The following CETP variants were observed in gnomAD, a reference collection of about 807,000 sequenced individuals.
The protein encoded by CETP is cholesteryl ester transfer protein, also known as BPI fold containing family F.
A neutral mutation model predicts 66.5 loss-of-function variants in CETP; 56 were observed. That is an observed-to-expected ratio of 0.84 (90% confidence interval 0.68 to 1.05). The LOEUF (loss-of-function observed/expected upper bound fraction) is 1.05, where lower values mean the gene tolerates loss of function less well. CETP is among the 50% of genes least tolerant of loss of function. CETP has a pLI of 0.00. For missense variants in CETP, 612 were observed against 609.6 expected, an observed-to-expected ratio of 1.00 and a Z score of -0.04; for synonymous variants, 251 against 245.7, an observed-to-expected ratio of 1.02 and a Z score of -0.20.
At chr16:56,967,461 G>A (rs1941097677) in intron 2 of CETP, among the ~76,000 whole-genome samples, 1 of 152,072 alleles carries the variant, frequency 6.6e-6, no homozygotes, top group Non-Finnish European at 1.5e-5. Flanking sequence ...TTCAAGACCA[G>A]CCTGGCAACA....
chr16:56,972,066 C>A lies in CETP; in HGVS notation c.733C>A (p.Leu245Met), dbSNP rs139570047. The change falls in exon 8 of 16, where the codon CTG (leucine) becomes ATG (methionine). Residue 245 changes from leucine (L) to methionine (M), a missense_variant. Physicochemically the swap from Leu to Met is conservative, Grantham distance 15. Coordinates refer to ENST00000200676, the MANE Select transcript of CETP (RefSeq NM_000078.3). The part of the protein sequence containing the change: ...TGDPVITASY[L>M]ESHHKGHFIY... ...TGATCCCGTCATCACAGCCTCCTAC[C>A]TGGAGTCCCATCACAAGGTAGGAGT... 38 of 1,613,926 alleles carry A rather than the reference C, an allele frequency of 2.4e-5. No individual in the cohort carries two copies. Among genetic ancestry groups the A allele is most frequent in the Non-Finnish European group, 3.1e-5 (36 of 1,179,810 alleles).
At chr16:56,971,132 C>A in intron 6 of CETP, 30 bp downstream of exon 6, 1 of 1,605,718 alleles carries the variant, frequency 6.2e-7, no homozygotes, top group South Asian at 1.1e-5. Flanking sequence ...TCCCTGTGGT[C>A]CAGGGCCATG....
chr16:56,978,303 T>A (rs1347512053), intron 11 of CETP, 48 bp downstream of exon 11: 1 of 1,612,366 alleles, frequency 6.2e-7, no homozygotes, highest in Non-Finnish European at 8.5e-7. Context: ...CTGACTCACA[T>A]ATGGGCCGCA....
chr16:56,975,160 C>G lies in CETP; in HGVS notation c.981+9C>G. 1 of 1,613,784 alleles carries G rather than the reference C, an allele frequency of 6.2e-7. No individual in the cohort carries two copies. The highest frequency in any genetic ancestry group is 8.5e-7 in the Non-Finnish European group (1 of 1,179,666). ...AGGAAATCTTCCAAGAGGTAACTGC[C>G]CCCTGCCCCTGTGTGGGGTTTATCT... On this transcript the variant is annotated intron_variant, in intron 10 of 15. Coordinates refer to ENST00000200676, the MANE Select transcript of CETP (RefSeq NM_000078.3).
At position 56,983,651 on chromosome 16, in the gene CETP, C is replaced by T. The variant is rs2056204657; in HGVS notation, c.1467C>T (p.Leu489=). 6.2e-7 allele frequency: 1 copy of T among 1,614,058 alleles called. No homozygotes were observed. Among genetic ancestry groups the T allele is most frequent in the African/African-American group, 1.3e-5 (1 of 74,924 alleles). ...CTGAGCACCTGCTGGTGGATTTCCT[C>T]CAGAGCTTGAGCTAGAAGTCTCCAA... is the stretch of plus-strand genomic sequence containing the variant. The part of the protein sequence containing the change: ...GFPEHLLVDF[L]QSLS The change falls in exon 16 of 16, where the codon CTC becomes CTT. Residue 489 remains leucine, a synonymous_variant. Transcript: ENST00000200676.
chr16:56,962,937 A>G, intron 1 of CETP, 73 bp from the exon 2 acceptor site: 1 of 1,360,902 alleles, frequency 7.3e-7, no homozygotes, highest in Non-Finnish European at 1.0e-6. Context: ...AGTCATGGCC[A>G]AGGCCAGTTG....
intron 2 of CETP, 97 bp downstream of exon 2, chr16:56,963,221 T>A: frequency 1.1e-6 from 1 of 941,198 alleles, no homozygotes. Flanking sequence ...AGGCAGCAGC[T>A]GGGGGACTCA....
chr16:56,982,200 A>G lies in CETP; in HGVS notation c.1284A>G (p.Ser428=), dbSNP rs1417894378. 1 of 1,614,024 alleles carries G rather than the reference A, an allele frequency of 6.2e-7. No homozygotes were observed. The highest frequency in any genetic ancestry group is 8.5e-7 in the Non-Finnish European group (1 of 1,180,030). The change falls in exon 14 of 16, where the codon TCA becomes TCG. Residue 428 remains serine (S), a synonymous_variant. Transcript: ENST00000200676. The part of the protein sequence containing the change: ...SSESVQSFLQ[S]MITAVGIPEV... Reference sequence around the variant, plus strand: ...AGTCCGTCCAGAGCTTCCTGCAGTCAATGATCACCGCTGTGGGCATCCCTG... The same window carrying G: ...AGTCCGTCCAGAGCTTCCTGCAGTCGATGATCACCGCTGTGGGCATCCCTG...
chr16:56,983,278 G>A, intron 14 of CETP, 48 bp from the exon 15 acceptor site: 10 of 1,553,884 alleles, frequency 6.4e-6, no homozygotes, highest in Non-Finnish European at 8.0e-6. Flanking sequence ...CCTCGGGCCG[G>A]CCTTGCTCCC....
intron 11 of CETP, among the ~76,000 whole-genome samples, chr16:56,979,659 C>T (rs12720858): frequency 0.032 from 4,858 of 152,164 alleles, 202 homozygotes; most frequent in African/African-American, 0.093. Flanking sequence ...GCACTACAGG[C>T]GCGTGCCACC....
chr16:56,969,289 T>C (rs1392418492), intron 2 of CETP, 97 bp from the exon 3 acceptor site: 2 of 1,521,704 alleles, frequency 1.3e-6, no homozygotes, highest in Non-Finnish European at 1.8e-6. Context: ...GGGGCCATGA[T>C]TCTATCTTCC....
chr16:56,971,172 C>A (rs2056107160), intron 6 of CETP, 70 bp downstream of exon 6: 1 of 1,560,362 alleles, frequency 6.4e-7, no homozygotes, highest in Non-Finnish European at 8.8e-7. Flanking sequence ...TTCCTCCCTG[C>A]CTTTCCCTGA....
chr16:56,977,272 C>A (rs770494598), intron 10 of CETP, among the ~76,000 whole-genome samples: 1 of 152,106 alleles, frequency 6.6e-6, no homozygotes, highest in Admixed American at 6.5e-5. Context: ...GTGTATCCAG[C>A]GGTTCAGTGG....
intron 2 of CETP, 144 bp downstream of exon 2, chr16:56,963,268 C>A: frequency 1.4e-6 from 1 of 692,576 alleles, no homozygotes. Context: ...AGCCTGACAC[C>A]TTCCCTACCC....
chr16:56,977,923 C>T (rs1273639478), intron 10 of CETP, among the ~76,000 whole-genome samples, 168 bp from the exon 11 acceptor site: 1 of 152,222 alleles, frequency 6.6e-6, no homozygotes, highest in East Asian at 1.9e-4. Flanking sequence ...CCAGAGAGGA[C>T]AAGAGTCCTA....
At chr16:56,981,025 C>T in intron 11 of CETP, 133 bp from the exon 12 acceptor site, 1 of 769,244 alleles carries the variant, frequency 1.3e-6, no homozygotes, top group South Asian at 1.4e-5. Flanking sequence ...AGAGCAGTAG[C>T]TAAGCCTGGT....
chr16:56,974,966 C>A, intron 9 of CETP, 135 bp from the exon 10 acceptor site: 1 of 765,752 alleles, frequency 1.3e-6, no homozygotes, highest in Non-Finnish European at 2.3e-6. Flanking sequence ...GAGCATCTCA[C>A]ATGTTGTCTG....
intron 8 of CETP, 117 bp from the exon 9 acceptor site, chr16:56,973,214 T>C: frequency 9.3e-7 from 1 of 1,076,536 alleles, no homozygotes; most frequent in Non-Finnish European, 1.4e-6. Context: ...AGCTCTTTCC[T>C]CAGTTTCCCC....
At chr16:56,970,244 TA>T (rs2056100407) in intron 5 of CETP, among the ~76,000 whole-genome samples, 1 of 152,242 alleles carries the variant, frequency 6.6e-6, no homozygotes, top group Non-Finnish European at 1.5e-5. Flanking sequence ...TGCAAAGCAC[TA>T]TTCCAAGCCC....
Sources: gnomAD v4.1 joint callset for allele counts (sites outside exome capture counted in the v4.1 genomes callset) on GRCh38, gnomAD v4.1.1 for gene constraint, MANE v1.5 for transcripts, NCBI Gene and HGNC (gene_info 2026-07-23, HGNC 2026-07-21) for gene names.